The following TBC1D1 variants were observed in gnomAD, a reference collection of about 807,000 sequenced individuals.
The protein encoded by TBC1D1 is TBC1 (tre-2/USP6, BUB2, cdc16) domain family, member 1.
A neutral mutation model predicts 125.6 loss-of-function variants in TBC1D1; 89 were observed. The ratio of observed to expected loss-of-function variants is 0.71; its 90% CI spans 0.60 to 0.85. TBC1D1 has a LOEUF of 0.85. TBC1D1 is among the 40% of genes least tolerant of loss of function. The pLI is 0.00. For missense variants in TBC1D1, 1,377 were observed against 1,469.2 expected, an observed-to-expected ratio of 0.94 and a Z score of 1.03; for synonymous variants, 565 against 564.1, an observed-to-expected ratio of 1.00 and a Z score of -0.02.
intron 2 of TBC1D1, among the ~76,000 whole-genome samples, chr4:37,938,045 C>T (rs956130229): frequency 6.6e-6 from 1 of 152,068 alleles, no homozygotes; most frequent in East Asian, 1.9e-4. Flanking sequence ...GGGACAGTCT[C>T]CTGTTTAGGA....
chr4:38,090,467 C>A (rs1032088945), intron 13 of TBC1D1, among the ~76,000 whole-genome samples: 5 of 152,084 alleles, frequency 3.3e-5, no homozygotes, highest in Non-Finnish European at 7.4e-5. Context: ...TATCCTCAGC[C>A]ATGGTCTGTG....
At chr4:38,094,266 A>G (rs1270083689) in intron 13 of TBC1D1, among the ~76,000 whole-genome samples, 1 of 152,198 alleles carries the variant, frequency 6.6e-6, no homozygotes, top group Non-Finnish European at 1.5e-5. Flanking sequence ...CACCCACCAG[A>G]GTAGGCACAA....
At chr4:37,913,410 C>T (rs1451995274) in intron 2 of TBC1D1, among the ~76,000 whole-genome samples, 10 of 151,942 alleles carry the variant, frequency 6.6e-5, no homozygotes, top group Admixed American at 6.6e-4. Flanking sequence ...ACAAGTCTGA[C>T]CAACATGGAG....
chr4:37,989,859 C>T (rs555481525), intron 2 of TBC1D1, among the ~76,000 whole-genome samples: 1 of 152,062 alleles, frequency 6.6e-6, no homozygotes, highest in Non-Finnish European at 1.5e-5. Context: ...TGGTTTTTTT[C>T]GTCTCTCAGA....
At chr4:38,109,955 G>A (rs1761952933) in intron 15 of TBC1D1, among the ~76,000 whole-genome samples, 2 of 152,232 alleles carry the variant, frequency 1.3e-5, no homozygotes, top group Non-Finnish European at 2.9e-5. Flanking sequence ...TTTCTCTTCT[G>A]CAGAGGAGAT....
intron 14 of TBC1D1, among the ~76,000 whole-genome samples, chr4:38,096,648 A>C (rs2152547777): frequency 6.6e-6 from 1 of 152,322 alleles, no homozygotes; most frequent in East Asian, 1.9e-4. Flanking sequence ...GGCAGGATTC[A>C]CTGTTTTTTC....
chr4:37,893,842 G>A (rs1318974703), intron 1 of TBC1D1, among the ~76,000 whole-genome samples: 1 of 152,172 alleles, frequency 6.6e-6, no homozygotes, highest in Non-Finnish European at 1.5e-5. Flanking sequence ...TAGTGATGAC[G>A]AAGGATTTAG....
chr4:37,901,443 C>T (rs528493616), intron 1 of TBC1D1, among the ~76,000 whole-genome samples: 43 of 152,310 alleles, frequency 2.8e-4, no homozygotes, highest in African/African-American at 9.9e-4. Context: ...AGGTGTGAGC[C>T]ACTGCACCTG....
intron 2 of TBC1D1, among the ~76,000 whole-genome samples, chr4:37,956,225 C>G (rs1443750640): frequency 2.0e-5 from 3 of 151,942 alleles, no homozygotes; most frequent in African/African-American, 7.3e-5. Flanking sequence ...CCCTGTGTTG[C>G]CCAGGCTGGT....
chr4:37,973,991 C>G (rs1273226110), intron 2 of TBC1D1, among the ~76,000 whole-genome samples: 1 of 152,152 alleles, frequency 6.6e-6, no homozygotes, highest in Admixed American at 6.5e-5. Flanking sequence ...GTGGACCACA[C>G]CTTGAATAGT....
At chr4:38,060,821 C>T (rs1752618077) in intron 12 of TBC1D1, among the ~76,000 whole-genome samples, 1 of 152,188 alleles carries the variant, frequency 6.6e-6, no homozygotes, top group African/African-American at 2.4e-5. Flanking sequence ...TGCAGTAGGT[C>T]CGGGTGGGTT....
At position 38,115,747 on chromosome 4, in the gene TBC1D1, G is replaced by C. The variant is rs762641795; in HGVS notation, c.2595G>C (p.Gln865His). The C allele has an allele frequency of 1.9e-6, 3 of 1,614,152 alleles. No individual in the cohort carries two copies. Among genetic ancestry groups the C allele is most frequent in the East Asian group, 4.5e-5 (2 of 44,880 alleles). Residue 865 changes from glutamine (Q) to histidine (H), a missense_variant, in exon 16 of 20, where the codon CAG becomes CAC. Coordinates refer to ENST00000261439, the MANE Select transcript of TBC1D1 (RefSeq NM_015173.4). ...CTACACACCCATACTTCTCTGCCCA[G>C]CTTGGAGCAGGACAGCTATCGCTTT...
intron 7 of TBC1D1, among the ~76,000 whole-genome samples, chr4:38,032,300 T>C (rs1167397509): frequency 6.6e-6 from 1 of 151,628 alleles, no homozygotes; most frequent in Non-Finnish European, 1.5e-5. Context: ...GCCTGGGGGA[T>C]AGAGCGAGAT....
chr4:38,132,067 T>A (rs1160151976), intron 18 of TBC1D1, among the ~76,000 whole-genome samples: 2 of 152,250 alleles, frequency 1.3e-5, no homozygotes, highest in Admixed American at 6.5e-5. Context: ...TCAGAAGAAG[T>A]AGTTTTACAC....
At chr4:37,928,189 A>G (rs1232704662) in intron 2 of TBC1D1, among the ~76,000 whole-genome samples, 1 of 152,210 alleles carries the variant, frequency 6.6e-6, no homozygotes, top group African/African-American at 2.4e-5. Context: ...ATATAGTTGG[A>G]ACTACTAGTT....
In TBC1D1 at chr4:38,049,954, A is replaced by C. The variant is rs1750190465; in HGVS notation, c.1910+56A>C. 7 of 1,536,942 alleles carry C rather than the reference A, an allele frequency of 4.6e-6. No homozygotes were observed. In the South Asian group the frequency reaches 4.9e-5, roughly 11 times the overall value. On this transcript the variant is annotated intron_variant, in intron 11 of 19. Coordinates refer to ENST00000261439, the MANE Select transcript of TBC1D1 (RefSeq NM_015173.4). Reference sequence around the variant, plus strand: ...AGCTGGGGCATATCTGTGACTAGCCAGGTATGTGCATCCCAGGTATGTTTA... The same window carrying C: ...AGCTGGGGCATATCTGTGACTAGCCCGGTATGTGCATCCCAGGTATGTTTA...
chr4:38,085,154 TA>T (rs758868913), intron 12 of TBC1D1, among the ~76,000 whole-genome samples: 6 of 152,238 alleles, frequency 3.9e-5, no homozygotes, highest in Non-Finnish European at 8.8e-5. Context: ...TGTTGGGGAA[TA>T]ATTTGGCATC....
In TBC1D1 at chr4:37,960,535, C is replaced by A. The variant is rs556051068; in HGVS notation, c.418-53974C>A. 2.1e-5 allele frequency: 34 copies of A among 1,614,138 alleles called. No individual in the cohort carries two copies. The South Asian group carries it at 3.2e-4, about 15-fold the overall frequency. ...CTGGAGTCTAGACCTTCAATCAAAG[C>A]ATTAGATGGGATATCTCAAGTTTTA... On this transcript the variant is annotated intron_variant, in intron 2 of 19. Transcript: ENST00000261439.
chr4:38,033,826 C>A (rs1329759181), intron 7 of TBC1D1, among the ~76,000 whole-genome samples: 1 of 152,188 alleles, frequency 6.6e-6, no homozygotes, highest in African/African-American at 2.4e-5. Flanking sequence ...TTTTGCTTAG[C>A]AATATGCACT....
Sources: gnomAD v4.1 joint callset for allele counts (sites outside exome capture counted in the v4.1 genomes callset) on GRCh38, gnomAD v4.1.1 for gene constraint, MANE v1.5 for transcripts, NCBI Gene and HGNC (gene_info 2026-07-23, HGNC 2026-07-21) for gene names.